The following TRIM67 variants were observed in gnomAD, a reference collection of about 807,000 sequenced individuals.
TRIM67 encodes tripartite motif containing 67.
Under a neutral mutation model 71.0 loss-of-function variants are expected in TRIM67, and 39 were observed. That is an observed-to-expected ratio of 0.55 (90% confidence interval 0.43 to 0.72). The LOEUF is 0.72. TRIM67 is among the 30% of genes least tolerant of loss of function. The pLI is 0.00. For missense variants in TRIM67, 973 were observed against 1,079.2 expected (o/e 0.90, Z 1.38); for synonymous variants, 481 against 473.9 (o/e 1.01, Z -0.19).
At position 231,218,372 on chromosome 1, in the gene TRIM67, G is replaced by A. The variant is rs779814007; in HGVS notation, c.*2932G>A. 2.4e-5 allele frequency: 24 copies of A among 985,908 alleles called. No homozygotes were observed. The highest frequency in any genetic ancestry group is 2.9e-5 in the Non-Finnish European group (24 of 830,354). 61.1% of individuals were successfully genotyped at this position (985,908 alleles called of 1,614,324 possible). ...AGTTTCAGTGAAAAAGGAATTCAAA[G>A]TAGTTTAAAAATGTCGAGTTCCATT... On this transcript the variant is annotated 3_prime_UTR_variant, in exon 10 of 10. Coordinates refer to ENST00000366653, the MANE Select transcript of TRIM67 (RefSeq NM_001004342.5).
In TRIM67 at chr1:231,220,001, C is replaced by G; in HGVS notation, c.*4561C>G. On this transcript the variant is annotated 3_prime_UTR_variant, in exon 10 of 10. Coordinates refer to ENST00000366653, the MANE Select transcript of TRIM67 (RefSeq NM_001004342.5). ...GTATGAGTGGGGGCCAATCTCTTAT[C>G]CTTTCTGTGCCTCAGTATCCCCACC... 1.6e-6 allele frequency: 2 copies of G among 1,261,198 alleles called. No individual in the cohort carries two copies. Among genetic ancestry groups the G allele is most frequent in the Non-Finnish European group, 2.1e-6 (2 of 962,722 alleles). 78.1% of individuals were successfully genotyped at this position (1,261,198 alleles called of 1,614,324 possible). A position where few individuals can be genotyped will look rare whatever the true frequency, so the allele number is the denominator to read the frequency against.
At chr1:231,180,611 A>G (rs975298237) in intron 1 of TRIM67, among the ~76,000 whole-genome samples, 2 of 152,132 alleles carry the variant, frequency 1.3e-5, no homozygotes, top group Non-Finnish European at 2.9e-5. Context: ...GTGATGGTGG[A>G]GGAGGAGTTG....
chr1:231,172,663 C>CTGTCCAGATGGTGCA (rs1303253343), intron 1 of TRIM67, among the ~76,000 whole-genome samples: 2 of 152,128 alleles, frequency 1.3e-5, no homozygotes, highest in Non-Finnish European at 2.9e-5. Context: ...CACATGACAT[C>CTGTCCAGATGGTGCA]TAAAAAAATC....
At chr1:231,199,816 C>T (rs755144907) in intron 3 of TRIM67, among the ~76,000 whole-genome samples, 24 of 152,204 alleles carry the variant, frequency 1.6e-4, no homozygotes, top group Non-Finnish European at 2.9e-4. Flanking sequence ...TTATCCAGGG[C>T]CACTGAGCGG....
At chr1:231,208,629 C>A (rs1683777880) in intron 7 of TRIM67, among the ~76,000 whole-genome samples, 1 of 152,134 alleles carries the variant, frequency 6.6e-6, no homozygotes, top group Admixed American at 6.5e-5. Context: ...TCCTGTATTT[C>A]TAACTGTGAG....
At chr1:231,202,241 G>A (rs1683570394) in intron 5 of TRIM67, among the ~76,000 whole-genome samples, 1 of 148,044 alleles carries the variant, frequency 6.8e-6, no homozygotes, top group African/African-American at 2.5e-5. Flanking sequence ...GAGAGGAGGG[G>A]GGGTAGTGGA....
chr1:231,204,180 C>T (rs1683633316), intron 6 of TRIM67, among the ~76,000 whole-genome samples, 168 bp downstream of exon 6: 1 of 152,180 alleles, frequency 6.6e-6, no homozygotes, highest in Middle Eastern at 3.2e-3. Flanking sequence ...GGCTTCCCTC[C>T]CAAGGGCTAG....
Position 231,219,269 on chromosome 1 carries a change from A to G in TRIM67, c.*3829A>G. ...CCCTGGTCTCTACCCATCATCTGCC[A>G]GTAGCAACCCCCAAGTTAGGTGTGA... is the stretch of plus-strand genomic sequence containing the variant. On this transcript the variant is annotated 3_prime_UTR_variant, in exon 10 of 10. Transcript: ENST00000366653. 1 of 979,094 alleles carries G rather than the reference A, an allele frequency of 1.0e-6. No individual in the cohort carries two copies. Among genetic ancestry groups the G allele is most frequent in the African/African-American group, 1.7e-5 (1 of 57,232 alleles). The allele number at this position is 979,094 out of a possible 1,614,324, so 60.7% of individuals were successfully genotyped here. A position where few individuals can be genotyped will look rare whatever the true frequency, so the allele number is the denominator to read the frequency against.
In TRIM67 at chr1:231,215,753, C is replaced by G. The variant is rs539768465; in HGVS notation, c.*313C>G. On this transcript the variant is annotated 3_prime_UTR_variant, in exon 10 of 10. Coordinates refer to ENST00000366653, the MANE Select transcript of TRIM67 (RefSeq NM_001004342.5). Reference sequence around the variant, plus strand: ...GCATTCGGGCTTCATGTCTATGTTTCCTGCCATCTGTTTTCAAAGCTTGTC... The same window carrying G: ...GCATTCGGGCTTCATGTCTATGTTTGCTGCCATCTGTTTTCAAAGCTTGTC... 14 of 1,155,216 alleles carry G rather than the reference C, an allele frequency of 1.2e-5. No individual in the cohort carries two copies. The highest frequency in any genetic ancestry group is 1.5e-5 in the Non-Finnish European group (14 of 939,052). The allele number at this position is 1,155,216 out of a possible 1,614,324, so 71.6% of individuals were successfully genotyped here. A position where few individuals can be genotyped will look rare whatever the true frequency, so the allele number is the denominator to read the frequency against.
At chr1:231,166,310 A>C (rs1242779377) in intron 1 of TRIM67, among the ~76,000 whole-genome samples, 2 of 152,158 alleles carry the variant, frequency 1.3e-5, no homozygotes, top group Non-Finnish European at 2.9e-5. Flanking sequence ...ATTTCTACAG[A>C]AAGGGAAACT....
intron 5 of TRIM67, among the ~76,000 whole-genome samples, chr1:231,203,409 G>A (rs1683604423): frequency 6.6e-6 from 1 of 152,254 alleles, no homozygotes; most frequent in African/African-American, 2.4e-5. Context: ...TTCCAGGCAT[G>A]AGCTGCAGGC....
chr1:231,195,392 C>T (rs904692997), intron 1 of TRIM67, among the ~76,000 whole-genome samples: 1 of 152,212 alleles, frequency 6.6e-6, no homozygotes, highest in African/African-American at 2.4e-5. Flanking sequence ...AGACCTGAGA[C>T]GCTTCTGCCA....
In TRIM67 at chr1:231,162,736, G is replaced by A. The variant is rs957706779; in HGVS notation, c.-234G>A. 4.7e-5 allele frequency: 26 copies of A among 550,642 alleles called. No homozygotes were observed. The highest frequency in any genetic ancestry group is 8.1e-5 in the Non-Finnish European group (26 of 322,254). The allele number at this position is 550,642 out of a possible 1,614,324, so 34.1% of individuals were successfully genotyped here. A position where few individuals can be genotyped will look rare whatever the true frequency, so the allele number is the denominator to read the frequency against. Reference sequence around the variant, plus strand: ...CCGCAGGTTGAAGCCGCTGGTGCGGGACCCTCGGGCAGGAGGTGAGGACCC... The same window carrying A: ...CCGCAGGTTGAAGCCGCTGGTGCGGAACCCTCGGGCAGGAGGTGAGGACCC... On this transcript the variant is annotated 5_prime_UTR_variant, in exon 1 of 10. Coordinates refer to ENST00000366653, the MANE Select transcript of TRIM67 (RefSeq NM_001004342.5).
chr1:231,197,295 G>A, intron 1 of TRIM67, 76 bp from the exon 2 acceptor site: 1 of 1,268,474 alleles, frequency 7.9e-7, no homozygotes, highest in South Asian at 1.2e-5. Context: ...ATAAACATAA[G>A]CTTTTATGAT....
Position 231,173,596 on chromosome 1 carries a change from G to A in TRIM67, c.1044+9583G>A, listed in dbSNP as rs1018095608. Among the ~76,000 whole-genome samples the A allele has an allele frequency of 2.6e-5, 4 of 152,228 alleles. No individual in the cohort carries two copies. In the South Asian group the frequency reaches 8.3e-4, roughly 32 times the overall value. On this transcript the variant is annotated intron_variant, in intron 1 of 9. Transcript: ENST00000366653. ...GTGTTTAAACGACAGAAATGGGCCAGTGTGCTTGGGGCATAATGAAACAGA... is the reference window on the plus strand; with the variant it reads ...GTGTTTAAACGACAGAAATGGGCCAATGTGCTTGGGGCATAATGAAACAGA...
In TRIM67 at chr1:231,163,093, G is replaced by A; in HGVS notation, c.124G>A (p.Glu42Lys). 5.1e-6 allele frequency: 8 copies of A among 1,579,300 alleles called. No individual in the cohort carries two copies. Among genetic ancestry groups the A allele is most frequent in the Non-Finnish European group, 6.9e-6 (8 of 1,164,596 alleles). ...CATCGCGGTGCAGACCCCGGACGGT[G>A]AGCAGCACCTGCCCCAGCCGCTCCT... ...RTIAVQTPDG[E>K]QHLPQPLLLS... is the part of the protein sequence containing the mutation. Residue 42 changes from glutamate to lysine, a missense_variant, in exon 1 of 10, where the codon GAG becomes AAG. Glu to Lys is a moderately conservative substitution (Grantham distance 56). Transcript: ENST00000366653.
chr1:231,206,873 G>T, intron 7 of TRIM67, 83 bp downstream of exon 7: 4 of 1,433,090 alleles, frequency 2.8e-6, no homozygotes, highest in African/African-American at 1.4e-5. Flanking sequence ...TGGCAGCTAT[G>T]ATGATGGGGT....
At chr1:231,207,123 A>G (rs1189108832) in intron 7 of TRIM67, among the ~76,000 whole-genome samples, 1 of 152,166 alleles carries the variant, frequency 6.6e-6, no homozygotes, top group Non-Finnish European at 1.5e-5. Flanking sequence ...TGCTGCACCC[A>G]CATGGCCTAC....
Position 231,163,579 on chromosome 1 carries a change from G to A in TRIM67, c.610G>A (p.Ala204Thr), listed in dbSNP as rs1304820908. ...CGTGCCGGGGACGTCTGCAGCCGCG[G>A]CGGTGGCCATCTGCCAGCTGTGCGA... is the stretch of plus-strand genomic sequence containing the variant. ...GAVPGTSAAA[A>T]VAICQLCDRT... is the part of the protein sequence containing the mutation. Residue 204 changes from alanine to threonine, a missense_variant, in exon 1 of 10, where the codon GCG (alanine) becomes ACG (threonine). Ala to Thr is a moderately conservative substitution (Grantham distance 58). Coordinates refer to ENST00000366653, the MANE Select transcript of TRIM67 (RefSeq NM_001004342.5). 13 of 1,515,236 alleles carry A rather than the reference G, an allele frequency of 8.6e-6. No individual in the cohort carries two copies. Among genetic ancestry groups the A allele is most frequent in the Non-Finnish European group, 1.1e-5 (13 of 1,137,066 alleles). The allele number at this position is 1,515,236 out of a possible 1,614,324, so 93.9% of individuals were successfully genotyped here. A position where few individuals can be genotyped will look rare whatever the true frequency, so the allele number is the denominator to read the frequency against.
Sources: gnomAD v4.1 joint callset for allele counts (sites outside exome capture counted in the v4.1 genomes callset) on GRCh38, gnomAD v4.1.1 for gene constraint, MANE v1.5 for transcripts, NCBI Gene and HGNC (gene_info 2026-07-23, HGNC 2026-07-21) for gene names.